AMZ1: variants seen among roughly 807,000 people sequenced by gnomAD.
The protein encoded by AMZ1 is archaemetzincin-1.
AMZ1 carries 39 observed loss-of-function variants against 29.9 expected under a neutral mutation model. The observed-to-expected ratio is 1.30, with a 90% CI of 1.01 to 1.70. AMZ1 has a LOEUF of 1.70. Among genes scored for constraint, AMZ1 ranks in the 40% most tolerant of loss-of-function variants. AMZ1 has a pLI of 0.00. For synonymous variants in AMZ1, 458 were observed against 304.0 expected, an observed-to-expected ratio of 1.51 and a Z score of -5.27; for missense variants, 1,041 against 680.6, an observed-to-expected ratio of 1.53 and a Z score of -5.89.
At chr7:2,710,630 T>G (rs1393995690) in intron 6 of AMZ1, among the ~76,000 whole-genome samples, 1 of 152,174 alleles carries the variant, frequency 6.6e-6, no homozygotes, top group African/African-American at 2.4e-5. Context: ...GACACTGAAC[T>G]AGAGGCCGTG....
chr7:2,709,307 C>A, intron 5 of AMZ1, 63 bp downstream of exon 5: 1 of 1,429,444 alleles, frequency 7.0e-7, no homozygotes, highest in Non-Finnish European at 9.2e-7. Context: ...CCCTTGGTGC[C>A]TCGGTCTGTT....
At chr7:2,686,928 C>T (rs1029245688), upstream of AMZ1, among the ~76,000 whole-genome samples, 2 of 151,642 alleles carry the variant, frequency 1.3e-5, no homozygotes, top group African/African-American at 2.4e-5. Flanking sequence ...CTGGCCAGGC[C>T]GGTCTTGAAC....
chr7:2,726,413 G>A (rs142224125), intron 4 of AMZ1, among the ~76,000 whole-genome samples: 1 of 152,300 alleles, frequency 6.6e-6, no homozygotes, highest in African/African-American at 2.4e-5. Flanking sequence ...AACCGCCTGG[G>A]ACATGGAGAA....
At chr7:2,705,290 T>G (rs1788286920) in intron 3 of AMZ1, among the ~76,000 whole-genome samples, 1 of 152,140 alleles carries the variant, frequency 6.6e-6, no homozygotes. Context: ...CATGTCAGGG[T>G]CATCCTGCCC....
downstream of AMZ1, among the ~76,000 whole-genome samples, chr7:2,721,881 A>C (rs1421672045): frequency 6.6e-6 from 1 of 152,210 alleles, no homozygotes; most frequent in Non-Finnish European, 1.5e-5. Flanking sequence ...ATGTTAAACT[A>C]ACCACCGTGG....
At chr7:2,761,524 G>C (rs1324537344), upstream of AMZ1, among the ~76,000 whole-genome samples, 1 of 152,224 alleles carries the variant, frequency 6.6e-6, no homozygotes, top group African/African-American at 2.4e-5. Flanking sequence ...ACTAAAAAGA[G>C]CTGGAACGGA....
downstream of AMZ1, among the ~76,000 whole-genome samples, chr7:2,724,243 G>A (rs1465852748): frequency 3.3e-5 from 5 of 152,140 alleles, no homozygotes; most frequent in Non-Finnish European, 7.4e-5. Context: ...TTTAACAGAC[G>A]AGCTACACGG....
In AMZ1 at chr7:2,741,191, G is replaced by C. The variant is rs142602482; in HGVS notation, n.551-23521G>C. 9.5e-3 allele frequency among the ~76,000 whole-genome samples: 1,454 copies of C among 152,308 alleles called. 12 individuals are homozygous for C. The highest frequency in any genetic ancestry group is 0.075 in the Middle Eastern group (22 of 294). On this transcript the variant is annotated intron_variant and non_coding_transcript_variant, in intron 4 of 4. Transcript: ENST00000489665. ...GTTTTAAGGTATTCCCCTGCCTCTA[G>C]ATAAAAAGCACCTAGACTAGGTGTG...
At chr7:2,708,791 C>A (rs1788539081) in intron 4 of AMZ1, 75 bp downstream of exon 4, 1 of 1,599,970 alleles carries the variant, frequency 6.3e-7, no homozygotes, top group Admixed American at 1.7e-5. Context: ...CTGCAGGGCA[C>A]CCTCTTTGCT....
In AMZ1 at chr7:2,716,482, C is replaced by G. The variant is rs184551210; in HGVS notation, c.*3604C>G. 2.3e-4 allele frequency: 34 copies of G among 147,558 alleles called. No individual in the cohort carries two copies. The highest frequency in any genetic ancestry group is 5.5e-4 in the Admixed American group (8 of 14,636). 9.1% of individuals were successfully genotyped at this position (147,558 alleles called of 1,614,324 possible). ...TTAATATTTGCTTCAGACCTTTCCC[C>G]GATGAACGAAATCTCCAAAAGCCTT... On this transcript the variant is annotated 3_prime_UTR_variant, in exon 7 of 7. Coordinates refer to ENST00000683327, the MANE Select transcript of AMZ1 (RefSeq NM_001384743.1).
At chr7:2,693,296 C>A (rs976037333) in intron 1 of AMZ1, among the ~76,000 whole-genome samples, 1 of 151,954 alleles carries the variant, frequency 6.6e-6, no homozygotes, top group African/African-American at 2.4e-5. Context: ...CCATGTTGGT[C>A]AGGCTGGTCT....
At chr7:2,711,343 C>A (rs551584142) in intron 6 of AMZ1, among the ~76,000 whole-genome samples, 1 of 152,210 alleles carries the variant, frequency 6.6e-6, no homozygotes, top group East Asian at 1.9e-4. Context: ...CAGTGAAATG[C>A]CTCTTGAAGA....
chr7:2,680,504 C>T (rs928888440), intron 1 of AMZ1, among the ~76,000 whole-genome samples: 2 of 152,126 alleles, frequency 1.3e-5, no homozygotes, highest in African/African-American at 4.8e-5. Context: ...TCCTTGGCAC[C>T]CCAGCTTTCC....
At chr7:2,735,791 C>T (rs1017640921) in intron 4 of AMZ1, among the ~76,000 whole-genome samples, 3 of 152,104 alleles carry the variant, frequency 2.0e-5, no homozygotes, top group South Asian at 2.1e-4. Flanking sequence ...CATGTCAGGG[C>T]GGCCTCATCT....
intron 6 of AMZ1, among the ~76,000 whole-genome samples, chr7:2,712,054 T>A (rs3996390): frequency 2.0e-5 from 3 of 151,372 alleles, no homozygotes; most frequent in African/African-American, 4.9e-5. Flanking sequence ...CTTAAAAAAA[T>A]CGAAAAATGT....
chr7:2,709,639 G>C lies in AMZ1; in HGVS notation c.772-1G>C, dbSNP rs1199163815. ...AAGGTGCTTGGTGGCCTTCCCCCCA[G>C]GTCACGTGCCACGAGCTCTGCCACC... On this transcript the variant is annotated splice_acceptor_variant, in intron 5 of 6. Coordinates refer to ENST00000683327, the MANE Select transcript of AMZ1 (RefSeq NM_001384743.1). LOFTEE classifies it high-confidence loss of function. 1 of 1,608,132 alleles carries C rather than the reference G, an allele frequency of 6.2e-7. No individual in the cohort carries two copies.
rs1462284322 is a variant in AMZ1 at position 2,731,282 on chromosome 7, G to T, written n.550+21466G>T. 1 of 1,612,162 alleles carries T rather than the reference G, an allele frequency of 6.2e-7. No individual in the cohort carries two copies. Reference sequence around the variant, plus strand: ...TCGGTGTCGATGGCGGTGGTGAAGTGGTGGAAGAGTGGCTTGCTGCGGTTC... The same window carrying T: ...TCGGTGTCGATGGCGGTGGTGAAGTTGTGGAAGAGTGGCTTGCTGCGGTTC... On this transcript the variant is annotated intron_variant and non_coding_transcript_variant, in intron 4 of 4. Transcript: ENST00000489665. The surrounding 1 kb of genome is among the most constrained non-coding windows in gnomAD (Gnocchi z 6.0).
chr7:2,740,787 A>G (rs902656551), intron 4 of AMZ1, among the ~76,000 whole-genome samples: 1 of 152,178 alleles, frequency 6.6e-6, no homozygotes, highest in African/African-American at 2.4e-5. Flanking sequence ...ACTCATGCCT[A>G]TAATCCCAGC....
chr7:2,757,524 A>C (rs1489047836), intron 4 of AMZ1, among the ~76,000 whole-genome samples: 1 of 152,174 alleles, frequency 6.6e-6, no homozygotes, highest in African/African-American at 2.4e-5. Context: ...GTGAGCTTGA[A>C]AAAGGATGAC....
Sources: gnomAD v4.1 joint callset for allele counts (sites outside exome capture counted in the v4.1 genomes callset) on GRCh38, gnomAD v4.1.1 for gene constraint, Gnocchi (gnomAD v3.1) non-coding constraint, MANE v1.5 for transcripts, NCBI Gene and HGNC (gene_info 2026-07-23, HGNC 2026-07-21) for gene names.